SEMA5A: variants seen among roughly 807,000 people sequenced by gnomAD.
SEMA5A encodes semaphorin-5A.
SEMA5A carries 55 observed loss-of-function variants against 135.5 expected under a neutral mutation model. The ratio of observed to expected loss-of-function variants is 0.41; its 90% CI spans 0.33 to 0.51. SEMA5A has a LOEUF of 0.51. Ranked by LOEUF, SEMA5A falls within the 20% of genes least tolerant of loss-of-function variation. The pLI is 0.37. For synonymous variants in SEMA5A, 580 were observed against 546.5 expected (o/e 1.06, Z -0.85); for missense variants, 1,290 against 1,419.9 (o/e 0.91, Z 1.47).
At chr5:9,361,265 C>T (rs1754681199) in intron 3 of SEMA5A, among the ~76,000 whole-genome samples, 1 of 150,266 alleles carries the variant, frequency 6.7e-6, no homozygotes, top group Non-Finnish European at 1.5e-5. Context: ...TGCCACTGCA[C>T]TCCAGCCTGG....
rs778813940 is a variant in SEMA5A at position 9,197,301 on chromosome 5, T to C, written c.935A>G (p.Asn312Ser). The C allele has an allele frequency of 6.9e-6, 11 of 1,605,136 alleles. No individual in the cohort carries two copies. Among genetic ancestry groups the C allele is most frequent in the Non-Finnish European group, 9.3e-6 (11 of 1,177,360 alleles). Residue 312 changes from asparagine (N) to serine (S), a missense_variant and splice_region_variant, in exon 10 of 23, where the codon AAC (asparagine) becomes AGC (serine). Asn to Ser is a conservative substitution (Grantham distance 46). This residue lies in a region of SEMA5A where 1,029 missense variants were observed against 1,086.6 expected (regional missense o/e 0.95). Coordinates refer to ENST00000382496, the MANE Select transcript of SEMA5A (RefSeq NM_003966.3). Reference protein sequence around the residue: ...LIYGIFTTNVNSIAASAVCVF... With the variant: ...LIYGIFTTNVSSIAASAVCVF... ...GCACACAGCTGAGGCCGCAATGCTG[T>C]TCCTGGGAGCGGAGGGAGAGAGAGA...
intron 13 of SEMA5A, among the ~76,000 whole-genome samples, chr5:9,135,179 CTTTTT>C: frequency 8.1e-6 from 1 of 123,508 alleles, no homozygotes; most frequent in East Asian, 2.6e-4. Context: ...TTCCGACTTT[CTTTTT>C]TTTTTTTTTT....
intron 1 of SEMA5A, among the ~76,000 whole-genome samples, chr5:9,477,759 T>A (rs1300471067): frequency 1.3e-5 from 2 of 152,112 alleles, no homozygotes; most frequent in African/African-American, 4.8e-5. Context: ...GATCTAAAAT[T>A]GGAACTTATA....
intron 3 of SEMA5A, among the ~76,000 whole-genome samples, chr5:9,369,449 T>G (rs112687536): frequency 1.0e-3 from 158 of 152,338 alleles, no homozygotes; most frequent in African/African-American, 3.5e-3. Context: ...TCTTATATGT[T>G]TTCTTCCAGA....
At chr5:9,230,158 C>CTTTTTTTTTTTTTTTT (rs5865817) in intron 6 of SEMA5A, among the ~76,000 whole-genome samples, 1 of 98,286 alleles carries the variant, frequency 1.0e-5, no homozygotes. Flanking sequence ...CTATTTTTTT[C>CTTTTTTTTTTTTTTTT]TTTTTTTTTT....
chr5:9,514,515 T>A (rs1032931511), intron 1 of SEMA5A, among the ~76,000 whole-genome samples: 1 of 152,208 alleles, frequency 6.6e-6, no homozygotes, highest in Non-Finnish European at 1.5e-5. Context: ...CAGATGCTCA[T>A]GTCCCTGATA....
At chr5:9,299,126 G>A (rs13360783) in intron 5 of SEMA5A, among the ~76,000 whole-genome samples, 21,311 of 152,024 alleles carry the variant, frequency 0.14, 1,599 homozygotes, top group South Asian at 0.19. Flanking sequence ...TCAGAAGAAG[G>A]GGGCATCTTT....
chr5:9,385,081 G>C (rs1024959402), intron 2 of SEMA5A, among the ~76,000 whole-genome samples: 1 of 152,158 alleles, frequency 6.6e-6, no homozygotes, highest in East Asian at 1.9e-4. Flanking sequence ...AAGCCAATTT[G>C]GGAGACAACA....
chr5:9,426,448 A>AAATAT, intron 2 of SEMA5A, among the ~76,000 whole-genome samples: 1 of 149,444 alleles, frequency 6.7e-6, no homozygotes. Flanking sequence ...AAATAAAATA[A>AAATAT]AATAAAATAA....
intron 11 of SEMA5A, among the ~76,000 whole-genome samples, chr5:9,174,659 A>G (rs1227900565): frequency 6.6e-6 from 1 of 152,232 alleles, no homozygotes; most frequent in Non-Finnish European, 1.5e-5. Flanking sequence ...GGGGCCATCT[A>G]TACAAGTTAA....
intron 5 of SEMA5A, among the ~76,000 whole-genome samples, chr5:9,250,988 G>GTT (rs1340389369): frequency 6.6e-6 from 1 of 152,286 alleles, no homozygotes; most frequent in South Asian, 2.1e-4. Flanking sequence ...AATTGCTGTT[G>GTT]TAAGTATTAA....
intron 16 of SEMA5A, among the ~76,000 whole-genome samples, chr5:9,070,695 A>G (rs1227885721): frequency 6.6e-6 from 1 of 152,228 alleles, no homozygotes; most frequent in African/African-American, 2.4e-5. Flanking sequence ...TAGTCTCTTC[A>G]GATCTAAGCC....
chr5:9,346,798 C>T (rs1753892290), intron 3 of SEMA5A, among the ~76,000 whole-genome samples: 1 of 152,046 alleles, frequency 6.6e-6, no homozygotes, highest in South Asian at 2.1e-4. Flanking sequence ...GCATCCCTAT[C>T]ACAAGTCCTG....
intron 2 of SEMA5A, among the ~76,000 whole-genome samples, chr5:9,424,892 C>A (rs539589666): frequency 6.6e-6 from 1 of 152,308 alleles, no homozygotes; most frequent in East Asian, 1.9e-4. Context: ...GTGAGAGCTT[C>A]AAGCTGGTCT....
At chr5:9,153,097 C>T (rs926368434) in intron 12 of SEMA5A, among the ~76,000 whole-genome samples, 6 of 149,926 alleles carry the variant, frequency 4.0e-5, no homozygotes, top group African/African-American at 1.5e-4. Context: ...AACAACAGGT[C>T]TGTTCCATGA....
chr5:9,458,202 T>TG, intron 1 of SEMA5A, among the ~76,000 whole-genome samples: 1 of 151,330 alleles, frequency 6.6e-6, no homozygotes, highest in Non-Finnish European at 1.5e-5. Flanking sequence ...CCACCGCGCC[T>TG]GGCCCAGCAT....
chr5:9,181,990 C>T (rs114785697), intron 11 of SEMA5A, among the ~76,000 whole-genome samples: 2,914 of 152,144 alleles, frequency 0.019, 102 homozygotes, highest in African/African-American at 0.067. Context: ...CCCCAATTTT[C>T]CATGAAAGAC....
intron 12 of SEMA5A, among the ~76,000 whole-genome samples, chr5:9,141,495 T>C (rs1478791037): frequency 6.6e-6 from 1 of 152,226 alleles, no homozygotes; most frequent in Non-Finnish European, 1.5e-5. Context: ...TCATTTTACA[T>C]ATTACCCTGG....
chr5:9,081,051 T>C (rs1018421066), intron 16 of SEMA5A, among the ~76,000 whole-genome samples: 3 of 152,184 alleles, frequency 2.0e-5, no homozygotes, highest in Non-Finnish European at 4.4e-5. Flanking sequence ...AAGAAGGAAG[T>C]TGCCTTGTGG....
Sources: gnomAD v4.1 joint callset for allele counts (sites outside exome capture counted in the v4.1 genomes callset) on GRCh38, gnomAD v4.1.1 for gene constraint, gnomAD v4.1.1 regional missense constraint, MANE v1.5 for transcripts, NCBI Gene and HGNC (gene_info 2026-07-23, HGNC 2026-07-21) for gene names.